Variants in MRTFB observed in about 807,000 individuals in gnomAD.
MRTFB encodes myocardin-related transcription factor B.
Under a neutral mutation model 104.2 loss-of-function variants are expected in MRTFB, and 29 were observed. The observed-to-expected ratio is 0.28, with a 90% CI of 0.21 to 0.38. The LOEUF (loss-of-function observed/expected upper bound fraction) is 0.38, where lower values mean the gene tolerates loss of function less well. MRTFB is among the 10% of genes least tolerant of loss of function. MRTFB has a pLI of 1.00. For missense variants in MRTFB, 1,270 were observed against 1,341.6 expected (o/e 0.95, Z 0.83); for synonymous variants, 535 against 519.5 (o/e 1.03, Z -0.41).
the MRTFB span, among the ~76,000 whole-genome samples, chr16:14,024,591 C>A: frequency 2.0e-5 from 3 of 152,152 alleles, no homozygotes; most frequent in African/African-American, 7.2e-5. Flanking sequence ...GCAATTAGAC[C>A]CAAGACATCA....
At chr16:14,017,704 TATATATA>T in the MRTFB span, among the ~76,000 whole-genome samples, 7 of 35,480 alleles carry the variant, frequency 2.0e-4, no homozygotes, top group Non-Finnish European at 4.4e-4. Context: ...TATATATATA[TATATATA>T]TTTTTTTTTT....
At chr16:14,198,141 A>G (rs940572601) in intron 3 of MRTFB, among the ~76,000 whole-genome samples, 1 of 152,178 alleles carries the variant, frequency 6.6e-6, no homozygotes, top group Admixed American at 6.5e-5. Flanking sequence ...AGTTTCATCC[A>G]CATTGTAGTA....
rs368139792 is a variant in MRTFB at position 14,258,375 on chromosome 16, G to A, written c.2764+214G>A. 2.2e-3 allele frequency among the ~76,000 whole-genome samples: 329 copies of A among 152,296 alleles called. 3 individuals carry two copies. The highest frequency in any genetic ancestry group is 9.6e-4 in the East Asian group (5 of 5,190). On this transcript the variant is annotated intron_variant, in intron 16 of 16. Coordinates refer to ENST00000571589, the MANE Select transcript of MRTFB (RefSeq NM_001308142.2). ...CGTCTATGATCCCAGCACTTTGGGA[G>A]TCTGAGCCCAGGAGTTCGAGACCAG...
the MRTFB span, chr16:14,018,862 T>C: frequency 6.6e-6 from 1 of 152,200 alleles, no homozygotes; most frequent in African/African-American, 2.4e-5. Context: ...ACTCTGCCCA[T>C]CAGTTTAACA....
At chr16:14,082,403 G>T (rs1290452213) in intron 2 of MRTFB, among the ~76,000 whole-genome samples, 3 of 152,174 alleles carry the variant, frequency 2.0e-5, no homozygotes, top group African/African-American at 7.2e-5. Flanking sequence ...CTATGTGTCT[G>T]TATTTTAAGC....
intron 2 of MRTFB, among the ~76,000 whole-genome samples, chr16:14,095,421 T>G (rs2035307130): frequency 6.6e-6 from 1 of 152,228 alleles, no homozygotes; most frequent in Non-Finnish European, 1.5e-5. Context: ...TCTACCTGCC[T>G]GTAAAATGCT....
intron 3 of MRTFB, among the ~76,000 whole-genome samples, chr16:14,193,098 T>C (rs562977382): frequency 6.8e-6 from 1 of 146,632 alleles, no homozygotes; most frequent in East Asian, 2.1e-4. Flanking sequence ...TGGTTTTCCC[T>C]CCCCCTACAC....
intron 2 of MRTFB, among the ~76,000 whole-genome samples, chr16:14,114,565 T>C (rs572270208): frequency 3.5e-4 from 53 of 152,342 alleles, no homozygotes; most frequent in Non-Finnish European, 5.6e-4. Context: ...CGTTCCACCA[T>C]GCTTGTGCTG....
chr16:14,171,750 C>G (rs373858274), intron 3 of MRTFB, among the ~76,000 whole-genome samples: 64 of 152,242 alleles, frequency 4.2e-4, no homozygotes, highest in African/African-American at 1.3e-3. Context: ...AATTGCTAAC[C>G]TATTCCACTG....
At chr16:14,178,299 T>C (rs2150999032) in intron 3 of MRTFB, among the ~76,000 whole-genome samples, 1 of 152,252 alleles carries the variant, frequency 6.6e-6, no homozygotes, top group South Asian at 2.1e-4. Context: ...AGTTACTTGC[T>C]GAGAAAGCTA....
chr16:14,167,021 T>C (rs2039267470), intron 3 of MRTFB, among the ~76,000 whole-genome samples: 1 of 152,214 alleles, frequency 6.6e-6, no homozygotes, highest in Non-Finnish European at 1.5e-5. Flanking sequence ...TTTGGGTGTA[T>C]ACCCAAAATG....
chr16:14,200,750 G>A (rs1283327219), intron 3 of MRTFB: 1 of 1,487,912 alleles, frequency 6.7e-7, no homozygotes, highest in Non-Finnish European at 9.4e-7. Context: ...GGGACTTGTT[G>A]CCTGTCCAGT....
At chr16:14,161,781 A>G (rs1876632372) in intron 3 of MRTFB, among the ~76,000 whole-genome samples, 2 of 152,210 alleles carry the variant, frequency 1.3e-5, no homozygotes, top group African/African-American at 2.4e-5. Context: ...ATACTTCACA[A>G]AAGAGGATAT....
chr16:14,218,907 C>A lies in MRTFB; in HGVS notation c.602C>A (p.Ala201Glu), dbSNP rs747839637. The stretch of plus-strand genomic sequence containing the variant: ...GACGCTTTGTCTCCGGACCAGCCTG[C>A]GAGTCAGGAGTCACAGGGGTCAGCC... ...SSDALSPDQP[A>E]SQESQGSAAS... Residue 201 changes from alanine (A) to glutamate (E), a missense_variant, in exon 8 of 17, where the codon GCG becomes GAG. By Grantham distance (107) the Ala-to-Glu change is moderately radical. Transcript: ENST00000571589. 6.8e-6 allele frequency: 11 copies of A among 1,613,940 alleles called. No individual in the cohort carries two copies. The South Asian group carries it at 1.2e-4, about 18-fold the overall frequency.
At chr16:14,260,073 A>C (rs1360001253) in intron 16 of MRTFB, among the ~76,000 whole-genome samples, 1 of 152,228 alleles carries the variant, frequency 6.6e-6, no homozygotes, top group Non-Finnish European at 1.5e-5. Context: ...AGTGAACGCC[A>C]GTATTTATAG....
chr16:14,216,492 T>C (rs2041432393), intron 6 of MRTFB, among the ~76,000 whole-genome samples: 1 of 152,120 alleles, frequency 6.6e-6, no homozygotes, highest in Admixed American at 6.5e-5. Flanking sequence ...TTGTACCAAT[T>C]TTATGCATTT....
chr16:14,104,511 G>C (rs2082823727), intron 2 of MRTFB, among the ~76,000 whole-genome samples: 1 of 152,188 alleles, frequency 6.6e-6, no homozygotes. Flanking sequence ...CTGTAGCAGA[G>C]CCTTAGCTTT....
intron 10 of MRTFB, among the ~76,000 whole-genome samples, chr16:14,242,463 C>T (rs1241542044): frequency 6.6e-6 from 1 of 152,156 alleles, no homozygotes; most frequent in Non-Finnish European, 1.5e-5. Context: ...TTTCCAGATC[C>T]TAAAAATGGA....
chr16:14,240,212 G>A (rs371933935), intron 9 of MRTFB, 25 bp from the exon 10 acceptor site: 1 of 1,564,796 alleles, frequency 6.4e-7, no homozygotes, highest in East Asian at 2.2e-5. Context: ...CTCTTTAAAT[G>A]TTATTTTCTT....
Sources: gnomAD v4.1 joint callset for allele counts (sites outside exome capture counted in the v4.1 genomes callset) on GRCh38, gnomAD v4.1.1 for gene constraint, MANE v1.5 for transcripts, NCBI Gene and HGNC (gene_info 2026-07-23, HGNC 2026-07-21) for gene names.